The following NPAS3 variants were observed in gnomAD, a reference collection of about 807,000 sequenced individuals.
NPAS3 encodes the protein neuronal PAS domain protein 3.
Under a neutral mutation model 73.1 loss-of-function variants are expected in NPAS3, and 14 were observed. That is an observed-to-expected ratio of 0.19 (90% CI 0.13 to 0.30). NPAS3 has a LOEUF of 0.30. Ranked by LOEUF, NPAS3 falls within the 10% of genes least tolerant of loss-of-function variation. The pLI is 1.00. For missense variants in NPAS3, 1,096 were observed against 1,250.0 expected, an observed-to-expected ratio of 0.88 and a Z score of 1.86; for synonymous variants, 620 against 541.5, an observed-to-expected ratio of 1.14 and a Z score of -2.01.
At chr14:33,165,672 G>GT (rs534929674) in intron 2 of NPAS3, among the ~76,000 whole-genome samples, 5 of 151,390 alleles carry the variant, frequency 3.3e-5, no homozygotes, top group Admixed American at 6.6e-5. Flanking sequence ...GTAAATACCT[G>GT]TTTTTTTGCT....
chr14:33,724,242 AC>A (rs1207049566), intron 6 of NPAS3, among the ~76,000 whole-genome samples: 1 of 152,280 alleles, frequency 6.6e-6, no homozygotes, highest in African/African-American at 2.4e-5. Context: ...AACACTAAAA[AC>A]CCAATTAGAA....
chr14:33,042,612 C>T (rs1442761348), intron 1 of NPAS3, among the ~76,000 whole-genome samples: 1 of 152,212 alleles, frequency 6.6e-6, no homozygotes, highest in African/African-American at 2.4e-5. Flanking sequence ...AATTCTTCAA[C>T]AGGCCACTTC....
intron 4 of NPAS3, among the ~76,000 whole-genome samples, chr14:33,509,932 C>T (rs924566889): frequency 4.6e-5 from 7 of 151,966 alleles, no homozygotes; most frequent in South Asian, 2.1e-4. Flanking sequence ...TATTTTTAAA[C>T]GGGGAACCTA....
At chr14:33,062,286 CT>C (rs1406319582) in intron 2 of NPAS3, among the ~76,000 whole-genome samples, 3 of 145,078 alleles carry the variant, frequency 2.1e-5, no homozygotes, top group South Asian at 4.5e-4. Flanking sequence ...CAATTCCCAC[CT>C]ATGAAAAAAA....
chr14:33,080,991 A>T (rs1030946782), intron 2 of NPAS3, among the ~76,000 whole-genome samples: 3 of 152,206 alleles, frequency 2.0e-5, no homozygotes, highest in Non-Finnish European at 2.9e-5. Flanking sequence ...GAAGTAGGTT[A>T]GGTGATTTGG....
chr14:32,968,022 A>G (rs2037256200), intron 1 of NPAS3, among the ~76,000 whole-genome samples: 1 of 152,090 alleles, frequency 6.6e-6, no homozygotes, highest in African/African-American at 2.4e-5. Context: ...CTAGTGTGGA[A>G]TCTAAGAAAG....
chr14:33,466,794 T>C (rs1214606308), intron 4 of NPAS3, among the ~76,000 whole-genome samples: 1 of 152,030 alleles, frequency 6.6e-6, no homozygotes, highest in Non-Finnish European at 1.5e-5. Context: ...ACTCACTCAC[T>C]ATACACTACC....
chr14:33,697,370 G>T (rs555383941), intron 6 of NPAS3, among the ~76,000 whole-genome samples: 1 of 152,304 alleles, frequency 6.6e-6, no homozygotes, highest in South Asian at 2.1e-4. Context: ...CAGAACTTTT[G>T]TTCTTGATTA....
In NPAS3 at chr14:32,984,241, G is replaced by T. The variant is rs112837925; in HGVS notation, c.50+44875G>T. Among the ~76,000 whole-genome samples the T allele has an allele frequency of 6.0e-3, 912 of 152,310 alleles. 12 individuals carry two copies. Among genetic ancestry groups the T allele is most frequent in the African/African-American group, 0.02 (814 of 41,562 alleles). On this transcript the variant is annotated intron_variant, in intron 1 of 11. Coordinates refer to ENST00000356141, the Ensembl canonical transcript of NPAS3. ...TGGTTTTAATCCCTGCTGTATCTTA[G>T]AATTTTGTATGGAGTTAGAAGCAGA...
intron 6 of NPAS3, among the ~76,000 whole-genome samples, chr14:33,733,544 T>C (rs1043386004): frequency 6.6e-6 from 1 of 152,152 alleles, no homozygotes; most frequent in African/African-American, 2.4e-5. Flanking sequence ...AAGGTTGATG[T>C]GATTGGATTA....
chr14:32,941,203 C>T lies in NPAS3; in HGVS notation c.50+1837C>T, dbSNP rs374353376. Among the ~76,000 whole-genome samples, 98 of 71,664 alleles carry T rather than the reference C, an allele frequency of 1.4e-3. 2 individuals carry two copies. Among genetic ancestry groups the T allele is most frequent in the African/African-American group, 5.4e-3 (91 of 16,722 alleles). The allele number at this position is 71,664 out of a possible 152,430, so 47.0% of individuals were successfully genotyped here. ...AATTGGTTTTCTTCCCCCTCCCCTC[C>T]CCTCCCCTTCCCTCCTCCCTCCCTC... On this transcript the variant is annotated intron_variant, in intron 1 of 11. Transcript: ENST00000356141.
At position 33,089,162 on chromosome 14, in the gene NPAS3, G is replaced by A. The variant is rs144878010; in HGVS notation, c.140+33168G>A. ...AACCTGGACGGAGAATATCTTTGAC[G>A]AGTTGAGAGAAGAAGGCTTCAGACA... On this transcript the variant is annotated intron_variant, in intron 2 of 11. Transcript: ENST00000356141. Among the ~76,000 whole-genome samples the A allele has an allele frequency of 2.0e-4, 30 of 152,346 alleles. No homozygotes were observed. In the East Asian group the frequency reaches 4.1e-3, roughly 21 times the overall value.
intron 4 of NPAS3, among the ~76,000 whole-genome samples, chr14:33,392,257 A>T (rs2047039631): frequency 6.6e-6 from 1 of 152,190 alleles, no homozygotes; most frequent in South Asian, 2.1e-4. Context: ...AAACAAATAT[A>T]AGCCAGAAGG....
chr14:32,961,268 C>T (rs759063505), intron 1 of NPAS3, among the ~76,000 whole-genome samples: 4 of 151,620 alleles, frequency 2.6e-5, no homozygotes, highest in Non-Finnish European at 2.9e-5. Context: ...AAAAATTAGC[C>T]GGGTGTGGTG....
chr14:33,794,984 G>A (rs1199192539), intron 10 of NPAS3, among the ~76,000 whole-genome samples: 2 of 152,186 alleles, frequency 1.3e-5, no homozygotes, highest in Non-Finnish European at 2.9e-5. Flanking sequence ...ATAGGTCTTG[G>A]GAATGGAAGT....
At chr14:33,574,396 T>C (rs547078598) in intron 5 of NPAS3, among the ~76,000 whole-genome samples, 3 of 152,070 alleles carry the variant, frequency 2.0e-5, no homozygotes, top group Non-Finnish European at 4.4e-5. Context: ...GCTAAAATAT[T>C]ATAAGGCAAG....
intron 4 of NPAS3, among the ~76,000 whole-genome samples, chr14:33,509,091 T>G (rs1276041058): frequency 1.3e-5 from 2 of 151,754 alleles, no homozygotes; most frequent in East Asian, 3.9e-4. Flanking sequence ...ATATCCTATA[T>G]GTAAGTAAGA....
chr14:33,347,772 C>G (rs374061478), intron 3 of NPAS3, among the ~76,000 whole-genome samples: 93 of 152,268 alleles, frequency 6.1e-4, no homozygotes, highest in African/African-American at 1.5e-3. Context: ...TTATAACACC[C>G]AATACAATAT....
intron 1 of NPAS3, among the ~76,000 whole-genome samples, chr14:33,006,667 A>G (rs1355172075): frequency 6.6e-6 from 1 of 152,158 alleles, no homozygotes; most frequent in Non-Finnish European, 1.5e-5. Flanking sequence ...GGGTGGACTC[A>G]TTTCTCTATT....
Sources: allele counts gnomAD v4.1 joint callset (sites outside exome capture counted in the v4.1 genomes callset), GRCh38; gene constraint gnomAD v4.1.1; transcripts MANE v1.5; gene names NCBI Gene and HGNC (gene_info 2026-07-23, HGNC 2026-07-21).